Variants in RASGRF1 observed in about 807,000 individuals in gnomAD.
RASGRF1 encodes the protein ras-specific guanine nucleotide-releasing factor 1.
RASGRF1 carries 40 observed loss-of-function variants against 138.7 expected under a neutral mutation model. That is an observed-to-expected ratio of 0.29 (90% CI 0.22 to 0.38). The LOEUF (loss-of-function observed/expected upper bound fraction) is 0.38, where lower values mean the gene tolerates loss of function less well. Among genes scored for constraint, RASGRF1 ranks in the 10% least tolerant of loss-of-function variants. RASGRF1 has a pLI of 1.00. For synonymous variants in RASGRF1, 614 were observed against 663.2 expected (o/e 0.93, Z 1.14); for missense variants, 1,108 against 1,650.4 (o/e 0.67, Z 5.69).
At chr15:79,058,561 G>C in intron 2 of RASGRF1, 80 bp from the exon 3 acceptor site, 1 of 1,548,592 alleles carries the variant, frequency 6.5e-7, no homozygotes, top group Non-Finnish European at 8.8e-7. Flanking sequence ...ACCGGGAGAG[G>C]GGCTCACCCA....
chr15:79,004,321 T>G, intron 14 of RASGRF1, 146 bp from the exon 15 acceptor site: 2 of 1,118,452 alleles, frequency 1.8e-6, no homozygotes, highest in Non-Finnish European at 1.2e-6. Flanking sequence ...GAGCTGATCC[T>G]CTGAGCAGGG....
At chr15:79,041,910 C>T (rs1228367378) in intron 5 of RASGRF1, among the ~76,000 whole-genome samples, 1 of 152,194 alleles carries the variant, frequency 6.6e-6, no homozygotes, top group East Asian at 1.9e-4. Context: ...TCCCTCAGCT[C>T]AGGGCTCCAG....
At chr15:79,007,103 T>C (rs971560149) in intron 13 of RASGRF1, among the ~76,000 whole-genome samples, 1 of 152,224 alleles carries the variant, frequency 6.6e-6, no homozygotes, top group African/African-American at 2.4e-5. Context: ...AGCTGATACA[T>C]GGAAAAACAA....
chr15:79,049,495 C>T lies in RASGRF1; in HGVS notation c.624+1G>A. On this transcript the variant is annotated splice_donor_variant, in intron 4 of 26. Coordinates refer to ENST00000558480, the MANE Select transcript of RASGRF1 (RefSeq NM_001145648.3). LOFTEE classifies it high-confidence loss of function. ...AGGCCACCCAGAGGGATAGCACTGACCTTCTTAATTTTCTTGATGTCGCTG... is the reference window on the plus strand; with the variant it reads ...AGGCCACCCAGAGGGATAGCACTGATCTTCTTAATTTTCTTGATGTCGCTG... The T allele has an allele frequency of 6.2e-7, 1 of 1,613,772 alleles. No homozygotes were observed. Among genetic ancestry groups the T allele is most frequent in the Non-Finnish European group, 8.5e-7 (1 of 1,179,814 alleles).
At chr15:78,996,156 G>A (rs900181111) in intron 19 of RASGRF1, among the ~76,000 whole-genome samples, 7 of 152,336 alleles carry the variant, frequency 4.6e-5, no homozygotes, top group East Asian at 3.9e-4. Context: ...GCGCTCCTGC[G>A]AGCACATGGA....
At chr15:79,084,579 C>T (rs867034169) in intron 1 of RASGRF1, among the ~76,000 whole-genome samples, 1 of 152,236 alleles carries the variant, frequency 6.6e-6, no homozygotes, top group South Asian at 2.1e-4. Flanking sequence ...CCGTTTTGTT[C>T]GGTCCACCCC....
intron 5 of RASGRF1, among the ~76,000 whole-genome samples, chr15:79,041,014 C>G (rs1350837180): frequency 1.3e-5 from 2 of 152,198 alleles, no homozygotes; most frequent in Admixed American, 1.3e-4. Context: ...TAGTCCCCAT[C>G]AAGGCTGCTG....
rs186334538 is a variant in RASGRF1, at chr15:79,086,820, T to C, written c.276+3403A>G. Among the ~76,000 whole-genome samples the C allele has an allele frequency of 2.0e-5, 3 of 151,978 alleles. No individual in the cohort carries two copies. The East Asian group carries it at 5.8e-4, about 29-fold the overall frequency. On this transcript the variant is annotated intron_variant, in intron 1 of 26. Transcript: ENST00000558480. Reference sequence around the variant, plus strand: ...GGAATGAGAGTGGGAAAAGTCGGGGTTGGGGGACTCCATGCCAAAGAAGGG... The same window carrying C: ...GGAATGAGAGTGGGAAAAGTCGGGGCTGGGGGACTCCATGCCAAAGAAGGG...
Position 79,004,061 on chromosome 15 carries a change from G to A in RASGRF1, c.2190C>T (p.Thr730=). The A allele has an allele frequency of 6.2e-7, 1 of 1,614,154 alleles. No individual in the cohort carries two copies. The highest frequency in any genetic ancestry group is 2.2e-5 in the East Asian group (1 of 44,890). The change falls in exon 15 of 27, where the codon ACC becomes ACT. Residue 730 remains threonine, a synonymous_variant. Coordinates refer to ENST00000558480, the MANE Select transcript of RASGRF1 (RefSeq NM_001145648.3). The part of the protein sequence containing the change: ...KFSSPPPLSI[T]KTSSPSRRRK... Reference sequence around the variant, plus strand: ...GCCGGCGGCTCGGTGACGATGTCTTGGTGATGGACAGAGGTGGCGGCGAGG... The same window carrying A: ...GCCGGCGGCTCGGTGACGATGTCTTAGTGATGGACAGAGGTGGCGGCGAGG...
At chr15:79,081,681 C>A (rs2057915998) in intron 1 of RASGRF1, among the ~76,000 whole-genome samples, 2 of 152,200 alleles carry the variant, frequency 1.3e-5, no homozygotes, top group Admixed American at 1.3e-4. Flanking sequence ...AGGGATCACA[C>A]TGCATTGTCA....
chr15:79,076,944 T>C (rs933558606), intron 1 of RASGRF1, among the ~76,000 whole-genome samples: 2 of 152,150 alleles, frequency 1.3e-5, no homozygotes, highest in Non-Finnish European at 1.5e-5. Flanking sequence ...GCTTATTAAT[T>C]GGCTAATAGC....
intron 5 of RASGRF1, among the ~76,000 whole-genome samples, chr15:79,041,129 C>T (rs944769261): frequency 1.3e-5 from 2 of 152,184 alleles, no homozygotes; most frequent in African/African-American, 4.8e-5. Flanking sequence ...TTTGCGTGGC[C>T]TGAGAGCTTA....
rs1363730757 is a variant in RASGRF1, at chr15:79,090,440, C to T, written c.59G>A (p.Arg20His). Residue 20 changes from arginine to histidine, a missense_variant, in exon 1 of 27, where the codon CGC (arginine) becomes CAC (histidine). Physicochemically the swap from Arg to His is conservative, Grantham distance 29 (BLOSUM62 0). Around this residue, in one of 3 missense-constraint regions of RASGRF1, gnomAD observed 253 missense variants for 329.5 expected, o/e 0.77. Transcript: ENST00000558480. ...GTAGCCTTTGCGCGTGCCGTCCTTG[C>T]GCGCCAGCAGTCCCAGGGACGCGAC... ...GHVASLGLLA[R>H]KDGTRKGYLS... is the part of the protein sequence containing the mutation. The T allele has an allele frequency of 5.6e-6, 9 of 1,613,112 alleles. No homozygotes were observed. The South Asian group carries it at 6.6e-5, about 12-fold the overall frequency.
At chr15:78,978,218 T>C (rs1379468202) in intron 24 of RASGRF1, among the ~76,000 whole-genome samples, 1 of 64,088 alleles carries the variant, frequency 1.6e-5, no homozygotes, top group Non-Finnish European at 3.2e-5. Flanking sequence ...TTCTTTTCTT[T>C]TGTTTTTTTT....
At chr15:78,971,713 T>C (rs1200526674) in intron 26 of RASGRF1, among the ~76,000 whole-genome samples, 153 bp downstream of exon 26, 3 of 152,144 alleles carry the variant, frequency 2.0e-5, no homozygotes, top group Non-Finnish European at 4.4e-5. Flanking sequence ...AAATAGGGAC[T>C]AGGGAAGCCT....
At chr15:79,004,515 T>C (rs2056628691) in intron 14 of RASGRF1, among the ~76,000 whole-genome samples, 1 of 151,992 alleles carries the variant, frequency 6.6e-6, no homozygotes, top group South Asian at 2.1e-4. Flanking sequence ...ACACAGGGCC[T>C]GCTCCCGCCT....
At chr15:79,090,155 C>T in intron 1 of RASGRF1, 68 bp downstream of exon 1, 1 of 1,477,378 alleles carries the variant, frequency 6.8e-7, no homozygotes, top group Non-Finnish European at 8.9e-7. Context: ...CATCAGCCAG[C>T]CGAAGGCCCT....
At chr15:78,965,170 G>T (rs2055619268) in intron 26 of RASGRF1, among the ~76,000 whole-genome samples, 1 of 152,202 alleles carries the variant, frequency 6.6e-6, no homozygotes, top group Admixed American at 6.5e-5. Flanking sequence ...ACTGTCAGCA[G>T]AGTAGGCTTG....
intron 22 of RASGRF1, among the ~76,000 whole-genome samples, chr15:78,988,578 C>A (rs1237450686): frequency 1.3e-5 from 2 of 152,238 alleles, no homozygotes; most frequent in African/African-American, 4.8e-5. Context: ...TTCTAGGCTG[C>A]TGAGGATCCT....
Sources: allele counts gnomAD v4.1 joint callset (sites outside exome capture counted in the v4.1 genomes callset), GRCh38; gene constraint gnomAD v4.1.1; regional missense constraint gnomAD v4.1.1; transcripts MANE v1.5; gene names NCBI Gene and HGNC (gene_info 2026-07-23, HGNC 2026-07-21).